The following EPB41L2 variants were observed in gnomAD, a reference collection of about 807,000 sequenced individuals.
EPB41L2 encodes the protein band 4.1-like protein 2.
A neutral mutation model predicts 113.0 loss-of-function variants in EPB41L2; 43 were observed. The observed-to-expected ratio is 0.38, with a 90% CI of 0.30 to 0.49. The LOEUF (loss-of-function observed/expected upper bound fraction) is 0.49. Among genes scored for constraint, EPB41L2 ranks in the 20% least tolerant of loss-of-function variants. The probability of loss-of-function intolerance (pLI) is 0.95; values close to 1 mark genes in which losing one functional copy is unlikely to be tolerated. For missense variants in EPB41L2, 1,147 were observed against 1,223.4 expected, an observed-to-expected ratio of 0.94 and a Z score of 0.93; for synonymous variants, 442 against 436.7, an observed-to-expected ratio of 1.01 and a Z score of -0.15.
At chr6:130,975,833 G>A (rs143870791) in intron 1 of EPB41L2, among the ~76,000 whole-genome samples, 17 of 152,258 alleles carry the variant, frequency 1.1e-4, no homozygotes, top group African/African-American at 4.1e-4. Context: ...AGACCATCCT[G>A]GCCAACATGG....
In EPB41L2 at chr6:130,901,535, TA is replaced by T. The variant is rs34846638; in HGVS notation, c.930-356del. Among the ~76,000 whole-genome samples the T allele has an allele frequency of 2.4e-3, 358 of 147,508 alleles. 2 individuals carry two copies. Among genetic ancestry groups the T allele is most frequent in the Non-Finnish European group, 3.7e-3 (243 of 66,446 alleles). ...TCAAAAGATGTAAGGATTAATAGAT[TA>T]AAAAAAAAAACTAGTCTTAATCATT... On this transcript the variant is annotated intron_variant, in intron 6 of 19. Coordinates refer to ENST00000337057, the MANE Select transcript of EPB41L2 (RefSeq NM_001431.4).
chr6:130,857,100 A>G (rs1420828442), intron 19 of EPB41L2, among the ~76,000 whole-genome samples: 1 of 152,162 alleles, frequency 6.6e-6, no homozygotes, highest in African/African-American at 2.4e-5. Context: ...TTTAATGTGG[A>G]TATTTTTTAG....
intron 18 of EPB41L2, among the ~76,000 whole-genome samples, chr6:130,859,399 C>A (rs886812274): frequency 2.6e-5 from 4 of 151,918 alleles, no homozygotes; most frequent in African/African-American, 4.8e-5. Flanking sequence ...GTAATCCCAG[C>A]TACTTAGGTG....
chr6:130,907,792 G>A (rs984198099), intron 5 of EPB41L2, among the ~76,000 whole-genome samples: 5 of 152,124 alleles, frequency 3.3e-5, no homozygotes, highest in African/African-American at 1.2e-4. Context: ...TAGATGAAAA[G>A]GGCAAGAAGG....
Position 130,848,199 on chromosome 6 carries a change from T to TCTCTCA in EPB41L2, c.*6-7602_*6-7601insTGAGAG, listed in dbSNP as rs376078462. Among the ~76,000 whole-genome samples the TCTCTCA allele has an allele frequency of 2.4e-3, 275 of 113,496 alleles. 1 individual carries two copies. The highest frequency in any genetic ancestry group is 9.0e-3 in the Middle Eastern group (2 of 222). The allele number at this position is 113,496 out of a possible 152,430, so 74.5% of individuals were successfully genotyped here. On this transcript the variant is annotated intron_variant, in intron 19 of 19. Transcript: ENST00000337057. ...CTCTCTCTGTCTCTCTCTCTCTCTC[T>TCTCTCA]CACACACACACACACACACACACAC... is the stretch of plus-strand genomic sequence containing the variant.
chr6:130,949,582 C>T (rs778234217), intron 3 of EPB41L2, among the ~76,000 whole-genome samples: 1 of 149,674 alleles, frequency 6.7e-6, no homozygotes, highest in Non-Finnish European at 1.5e-5. Flanking sequence ...AGAAAAGGGA[C>T]AGGGAAGGGA....
At chr6:130,876,187 T>A (rs1281503478) in intron 14 of EPB41L2, among the ~76,000 whole-genome samples, 1 of 152,146 alleles carries the variant, frequency 6.6e-6, no homozygotes, top group Non-Finnish European at 1.5e-5. Flanking sequence ...ATGTCACACA[T>A]GCAGGAGCAG....
chr6:130,981,231 G>A (rs941168975), intron 1 of EPB41L2, among the ~76,000 whole-genome samples: 1 of 152,124 alleles, frequency 6.6e-6, no homozygotes. Context: ...AGTTACCCAG[G>A]AGAATAATCA....
intron 1 of EPB41L2, among the ~76,000 whole-genome samples, chr6:130,981,139 C>A (rs1360063205): frequency 1.3e-5 from 2 of 152,070 alleles, no homozygotes; most frequent in East Asian, 1.9e-4. Context: ...ACAGGCCGAA[C>A]AATTTTCAAT....
rs763375001 is a variant in EPB41L2 at position 130,869,621 on chromosome 6, T to C, written c.2549A>G (p.Asn850Ser). The change falls in exon 15 of 20, where the codon AAC becomes AGC. Residue 850 changes from asparagine to serine, a missense_variant. Transcript: ENST00000337057. ...AATGTCAACATGGGACACCTCTCCG[T>C]TAACTTTCTGTGGCTCTTCCTCTGC... ...EEAEEEPQKVNGEVSHVDIDV... is the reference protein window; with the variant it reads ...EEAEEEPQKVSGEVSHVDIDV... The C allele has an allele frequency of 6.2e-7, 1 of 1,614,204 alleles. No individual in the cohort carries two copies. Among genetic ancestry groups the C allele is most frequent in the Non-Finnish European group, 8.5e-7 (1 of 1,180,030 alleles).
chr6:130,894,104 T>C (rs1392609925), intron 10 of EPB41L2, among the ~76,000 whole-genome samples: 1 of 151,972 alleles, frequency 6.6e-6, no homozygotes, highest in African/African-American at 2.4e-5. Flanking sequence ...AGACAGTGGG[T>C]TAATGCATCT....
chr6:130,873,784 A>G (rs1020988804), intron 14 of EPB41L2, among the ~76,000 whole-genome samples: 1 of 152,152 alleles, frequency 6.6e-6, no homozygotes, highest in African/African-American at 2.4e-5. Flanking sequence ...GAAATCTTAA[A>G]GAAAAATCAA....
intron 14 of EPB41L2, chr6:130,870,461 G>T: frequency 7.1e-7 from 1 of 1,416,254 alleles, no homozygotes; most frequent in Non-Finnish European, 9.7e-7. Flanking sequence ...ATCTGACACT[G>T]CAAAGACAAA....
In EPB41L2 at chr6:130,899,609, T is replaced by C. The variant is rs78440904; in HGVS notation, c.1149-31A>G. 4,628 of 1,584,908 alleles carry C rather than the reference T, an allele frequency of 2.9e-3. 120 individuals are homozygous for C. The African/African-American group carries it at 0.052, about 18-fold the overall frequency. On this transcript the variant is annotated intron_variant, in intron 7 of 19. Coordinates refer to ENST00000337057, the MANE Select transcript of EPB41L2 (RefSeq NM_001431.4). The stretch of plus-strand genomic sequence containing the variant: ...AATCAAAAGAAACAGTATTATCTTA[T>C]TAATGGATGCAGAGCAAATGTAGTC...
chr6:130,841,309 G>C (rs376700776), intron 19 of EPB41L2, among the ~76,000 whole-genome samples: 1 of 152,052 alleles, frequency 6.6e-6, no homozygotes, highest in South Asian at 2.1e-4. Context: ...CAGAGTGCAA[G>C]AGCCACAGAG....
At position 130,944,172 on chromosome 6, in the gene EPB41L2, TACAC is replaced by T. The variant is rs869217556; in HGVS notation, c.705+10929_705+10932del. On this transcript the variant is annotated intron_variant, in intron 3 of 19. Transcript: ENST00000337057. ...ATATATATACGTACATACACACACA[TACAC>T]ACACACACACACACACACACACACA... is the stretch of plus-strand genomic sequence containing the variant. Among the ~76,000 whole-genome samples the T allele has an allele frequency of 1.0e-2, 1,251 of 125,632 alleles. 15 individuals carry two copies. Among genetic ancestry groups the T allele is most frequent in the Non-Finnish European group, 0.012 (747 of 60,692 alleles). 82.4% of individuals were successfully genotyped at this position (125,632 alleles called of 152,430 possible).
intron 1 of EPB41L2, among the ~76,000 whole-genome samples, chr6:131,060,955 T>G (rs777456131): frequency 6.6e-6 from 1 of 152,198 alleles, no homozygotes; most frequent in Non-Finnish European, 1.5e-5. Flanking sequence ...TTACTGAAAT[T>G]ATAGCTTTAA....
intron 3 of EPB41L2, among the ~76,000 whole-genome samples, chr6:130,936,832 T>C (rs1026496600): frequency 6.6e-6 from 1 of 152,194 alleles, no homozygotes; most frequent in South Asian, 2.1e-4. Context: ...AACCCAAACA[T>C]GCACTTAGTA....
intron 1 of EPB41L2, among the ~76,000 whole-genome samples, chr6:130,970,782 A>G (rs1038295373): frequency 3.3e-5 from 5 of 152,228 alleles, no homozygotes; most frequent in Admixed American, 2.6e-4. Flanking sequence ...GAAGCCCAGT[A>G]AATGCCTGAA....
Sources: gnomAD v4.1 joint callset for allele counts (sites outside exome capture counted in the v4.1 genomes callset) on GRCh38, gnomAD v4.1.1 for gene constraint, MANE v1.5 for transcripts, NCBI Gene and HGNC (gene_info 2026-07-23, HGNC 2026-07-21) for gene names.